NTN1: variants seen among roughly 807,000 people sequenced by gnomAD.
NTN1 encodes the protein netrin-1.
A neutral mutation model predicts 54.2 loss-of-function variants in NTN1; 11 were observed. The ratio of observed to expected loss-of-function variants is 0.20; its 90% CI spans 0.13 to 0.34. The LOEUF is 0.34. Among genes scored for constraint, NTN1 ranks in the 10% least tolerant of loss-of-function variants. NTN1 has a pLI of 1.00. For missense variants in NTN1, 740 were observed against 893.1 expected, an observed-to-expected ratio of 0.83 and a Z score of 2.18; for synonymous variants, 371 against 382.0, an observed-to-expected ratio of 0.97 and a Z score of 0.33.
intron 2 of NTN1, among the ~76,000 whole-genome samples, chr17:9,138,455 C>G (rs753581145): frequency 2.6e-5 from 4 of 152,080 alleles, no homozygotes; most frequent in Admixed American, 6.5e-5. Flanking sequence ...CTGCAGGGCT[C>G]GGTGGCTGGA....
chr17:9,082,626 C>T (rs909042137), intron 2 of NTN1, among the ~76,000 whole-genome samples: 3 of 151,418 alleles, frequency 2.0e-5, no homozygotes, highest in Admixed American at 6.6e-5. Context: ...CTGCAGACGC[C>T]GGGCCGGGGG....
At chr17:9,191,482 T>C (rs1321975277) in intron 5 of NTN1, among the ~76,000 whole-genome samples, 1 of 152,180 alleles carries the variant, frequency 6.6e-6, no homozygotes, top group Non-Finnish European at 1.5e-5. Context: ...GGAAAACTTC[T>C]GTATCTCAGA....
intron 2 of NTN1, among the ~76,000 whole-genome samples, chr17:9,117,770 C>A (rs1381050575): frequency 2.4e-5 from 2 of 82,578 alleles, no homozygotes; most frequent in Non-Finnish European, 4.4e-5. Context: ...AACAAAAAAA[C>A]CAAAAAAAAA....
At chr17:9,236,128 G>C (rs567236845) in intron 6 of NTN1, among the ~76,000 whole-genome samples, 1 of 104,536 alleles carries the variant, frequency 9.6e-6, no homozygotes, top group Non-Finnish European at 2.5e-5. Context: ...AGAATTTGGG[G>C]GGGGGGGTAC....
chr17:9,075,521 A>T lies in NTN1; in HGVS notation c.1018+52130A>T, dbSNP rs563462040. 1.6e-3 allele frequency among the ~76,000 whole-genome samples: 238 copies of T among 152,160 alleles called. 1 individual carries two copies. The highest frequency in any genetic ancestry group is 5.3e-3 in the African/African-American group (221 of 41,520). ...CAAAACAAACAAACAAAAAATAAAT[A>T]AAAAAAACTTAAATAAAACGGGGCT... On this transcript the variant is annotated intron_variant, in intron 2 of 6. Coordinates refer to ENST00000173229, the MANE Select transcript of NTN1 (RefSeq NM_004822.3).
In NTN1 at chr17:9,221,112, T is replaced by C. The variant is rs1419655522; in HGVS notation, c.1412-56T>C. 1 of 1,251,188 alleles carries C rather than the reference T, an allele frequency of 8.0e-7. No homozygotes were observed. The highest frequency in any genetic ancestry group is 1.2e-6 in the Non-Finnish European group (1 of 850,076). 77.5% of individuals were successfully genotyped at this position (1,251,188 alleles called of 1,614,324 possible). Reference sequence around the variant, plus strand: ...CGGCCTCCTACTCTGCCCGCCAGCCTATTCATCGCCAGCCTAATTAGTTTT... The same window carrying C: ...CGGCCTCCTACTCTGCCCGCCAGCCCATTCATCGCCAGCCTAATTAGTTTT... On this transcript the variant is annotated intron_variant, in intron 5 of 6. Coordinates refer to ENST00000173229, the MANE Select transcript of NTN1 (RefSeq NM_004822.3). This position sits in a 1 kb window ranked among gnomAD's most constrained non-coding sequence, Gnocchi z 4.5.
At chr17:9,103,291 A>G (rs2092156144) in intron 2 of NTN1, among the ~76,000 whole-genome samples, 1 of 152,208 alleles carries the variant, frequency 6.6e-6, no homozygotes, top group Admixed American at 6.5e-5. Context: ...TGATGAATGA[A>G]TGAACTAAAT....
At chr17:9,062,394 C>T (rs1182493804) in intron 2 of NTN1, among the ~76,000 whole-genome samples, 1 of 152,222 alleles carries the variant, frequency 6.6e-6, no homozygotes. Flanking sequence ...TAGACCCTTT[C>T]TGCAAATGTC....
In NTN1 at chr17:9,240,676, C is replaced by T. The variant is rs572332142; in HGVS notation, c.*708C>T. ...GTCCTACTGGGTGGGGGCTTGGGGT[C>T]GGTGAGTGGTTCACCTGTGGAGAGA... is the stretch of plus-strand genomic sequence containing the variant. On this transcript the variant is annotated 3_prime_UTR_variant, in exon 7 of 7. Coordinates refer to ENST00000173229, the MANE Select transcript of NTN1 (RefSeq NM_004822.3). 225 of 153,118 alleles carry T rather than the reference C, an allele frequency of 1.5e-3. No homozygotes were observed. The highest frequency in any genetic ancestry group is 2.8e-3 in the Non-Finnish European group (190 of 68,732). The allele number at this position is 153,118 out of a possible 1,614,324, so 9.5% of individuals were successfully genotyped here.
intron 5 of NTN1, among the ~76,000 whole-genome samples, chr17:9,209,417 G>T (rs1440787746): frequency 1.3e-5 from 2 of 152,246 alleles, no homozygotes; most frequent in Non-Finnish European, 2.9e-5. Context: ...CAGGGGGCCA[G>T]AGCGGACCTG....
intron 3 of NTN1, among the ~76,000 whole-genome samples, chr17:9,170,652 G>A (rs777262397): frequency 4.6e-5 from 7 of 152,192 alleles, no homozygotes; most frequent in African/African-American, 7.2e-5. Context: ...AGAGAGGTGG[G>A]GGCGGGCTGT....
intron 6 of NTN1, among the ~76,000 whole-genome samples, chr17:9,233,341 A>G (rs1017705178): frequency 1.1e-4 from 17 of 152,160 alleles, no homozygotes; most frequent in Middle Eastern, 3.4e-3. Flanking sequence ...GTCGGTTCCC[A>G]ACAGGCAGAT....
intron 2 of NTN1, among the ~76,000 whole-genome samples, chr17:9,107,830 T>C (rs2092172835): frequency 6.6e-6 from 1 of 152,212 alleles, no homozygotes; most frequent in Admixed American, 6.5e-5. Context: ...GCCCAAAATA[T>C]TTACTATCTG....
At chr17:9,026,396 G>GGA (rs1555562108) in intron 2 of NTN1, among the ~76,000 whole-genome samples, 1 of 150,180 alleles carries the variant, frequency 6.7e-6, no homozygotes, top group Admixed American at 6.6e-5. Context: ...TCTTCCGGGG[G>GGA]GGGGGAACAA....
chr17:9,146,259 G>A (rs567657123), intron 2 of NTN1, among the ~76,000 whole-genome samples: 1 of 152,218 alleles, frequency 6.6e-6, no homozygotes, highest in South Asian at 2.1e-4. Context: ...GGTGCCTGGT[G>A]CACAGAGACT....
At chr17:9,166,580 G>T (rs1027313701) in intron 3 of NTN1, among the ~76,000 whole-genome samples, 3 of 152,162 alleles carry the variant, frequency 2.0e-5, no homozygotes, top group African/African-American at 7.2e-5. Context: ...GACTTCAGGT[G>T]ATCTGTCCAC....
intron 3 of NTN1, among the ~76,000 whole-genome samples, chr17:9,168,219 G>A (rs1488414828): frequency 1.3e-5 from 2 of 152,140 alleles, no homozygotes; most frequent in Non-Finnish European, 2.9e-5. Flanking sequence ...CTGGGAGGTT[G>A]GGCATTTAAA....
In NTN1 at chr17:9,085,764, A is replaced by G. The variant is rs559106017; in HGVS notation, c.1018+62373A>G. 2.6e-5 allele frequency among the ~76,000 whole-genome samples: 4 copies of G among 152,292 alleles called. No individual in the cohort carries two copies. The South Asian group carries it at 8.3e-4, about 32-fold the overall frequency. ...CTCTTATGGCCGTTTTCATTCAGCC[A>G]ATCAGCGAATAGGTTTTGAGCACCT... On this transcript the variant is annotated intron_variant, in intron 2 of 6. Coordinates refer to ENST00000173229, the MANE Select transcript of NTN1 (RefSeq NM_004822.3).
At chr17:9,046,584 C>CA (rs2142195147) in intron 2 of NTN1, among the ~76,000 whole-genome samples, 1 of 152,204 alleles carries the variant, frequency 6.6e-6, no homozygotes, top group South Asian at 2.1e-4. Context: ...CCCAGGAGTT[C>CA]AAGACCAGCC....
Sources: allele counts gnomAD v4.1 joint callset (sites outside exome capture counted in the v4.1 genomes callset), GRCh38; gene constraint gnomAD v4.1.1; non-coding constraint Gnocchi (gnomAD v3.1); transcripts MANE v1.5; gene names NCBI Gene and HGNC (gene_info 2026-07-23, HGNC 2026-07-21).